The following MECOM variants were observed in gnomAD, a reference collection of about 807,000 sequenced individuals.
MECOM encodes the protein MDS1 and EVI1 complex locus, also known as histone-lysine N-methyltransferase MECOM.
In MECOM, 13 loss-of-function variants were observed where a neutral mutation model predicts 116.3. The observed-to-expected ratio is 0.11, with a 90% confidence interval of 0.07 to 0.18. MECOM has a LOEUF of 0.18. Ranked by LOEUF, MECOM falls within the 10% of genes least tolerant of loss-of-function variation. MECOM has a pLI of 1.00. For missense variants in MECOM, 1,299 were observed against 1,509.0 expected (o/e 0.86, Z 2.31); for synonymous variants, 528 against 535.2 (o/e 0.99, Z 0.19).
At chr3:169,593,768 A>G (rs1766721903) in intron 1 of MECOM, among the ~76,000 whole-genome samples, 1 of 152,168 alleles carries the variant, frequency 6.6e-6, no homozygotes, top group Non-Finnish European at 1.5e-5. Flanking sequence ...AAAGACAGTC[A>G]TTGCTCATAA....
At chr3:169,186,070 C>T (rs1746665070) in intron 2 of MECOM, among the ~76,000 whole-genome samples, 1 of 152,092 alleles carries the variant, frequency 6.6e-6, no homozygotes, top group African/African-American at 2.4e-5. Context: ...GTGTATCTCA[C>T]CCAACCATTG....
chr3:169,341,694 C>CG (rs1409924538), intron 2 of MECOM, among the ~76,000 whole-genome samples: 1 of 144,616 alleles, frequency 6.9e-6, no homozygotes, highest in Non-Finnish European at 1.5e-5. Context: ...GAGCCAGTAT[C>CG]GCACCACTGC....
chr3:169,482,186 TCA>T (rs1158955233), intron 1 of MECOM, among the ~76,000 whole-genome samples: 9 of 152,188 alleles, frequency 5.9e-5, no homozygotes, highest in South Asian at 2.1e-4. Flanking sequence ...GGTCTAAATC[TCA>T]CAGTCTGTAC....
At chr3:169,600,215 G>A (rs1344064680) in intron 1 of MECOM, among the ~76,000 whole-genome samples, 2 of 151,976 alleles carry the variant, frequency 1.3e-5, no homozygotes, top group East Asian at 1.9e-4. Flanking sequence ...CATGTGATCT[G>A]CCCACCTCAG....
intron 2 of MECOM, among the ~76,000 whole-genome samples, chr3:169,219,333 C>T (rs1377529405): frequency 6.6e-6 from 1 of 152,062 alleles, no homozygotes; most frequent in Non-Finnish European, 1.5e-5. Context: ...GGTGAAACCG[C>T]GTATCCACTA....
intron 1 of MECOM, among the ~76,000 whole-genome samples, chr3:169,431,318 A>G (rs1741586414): frequency 6.6e-6 from 1 of 152,180 alleles, no homozygotes; most frequent in Non-Finnish European, 1.5e-5. Flanking sequence ...GCTTGTGGCG[A>G]GAGGCTGGGA....
At chr3:169,647,199 G>T (rs1418251873) in intron 1 of MECOM, among the ~76,000 whole-genome samples, 1 of 152,174 alleles carries the variant, frequency 6.6e-6, no homozygotes, top group Non-Finnish European at 1.5e-5. Flanking sequence ...GCAGATCAAG[G>T]TTTGGATCCT....
intron 1 of MECOM, among the ~76,000 whole-genome samples, chr3:169,651,860 G>GA (rs1158869650): frequency 2.0e-5 from 3 of 152,190 alleles, no homozygotes; most frequent in Admixed American, 6.5e-5. Context: ...ATGCATGGGG[G>GA]AAAAAATCTG....
At chr3:169,569,172 A>C (rs1177333573) in intron 1 of MECOM, among the ~76,000 whole-genome samples, 2 of 152,164 alleles carry the variant, frequency 1.3e-5, no homozygotes, top group African/African-American at 4.8e-5. Context: ...GGAAAGAAAA[A>C]AAAAAAGCAA....
chr3:169,612,645 T>C (rs1769431535), intron 1 of MECOM, among the ~76,000 whole-genome samples: 1 of 152,170 alleles, frequency 6.6e-6, no homozygotes, highest in African/African-American at 2.4e-5. Flanking sequence ...TATTTTCTTT[T>C]GAACCAGGAA....
chr3:169,528,907 T>C (rs1274339865), intron 1 of MECOM, among the ~76,000 whole-genome samples: 2 of 152,340 alleles, frequency 1.3e-5, no homozygotes, highest in Middle Eastern at 3.4e-3. Flanking sequence ...ACATTCGTTG[T>C]TGGAACTTGA....
At chr3:169,654,813 AACACAC>A (rs10622808) in intron 1 of MECOM, among the ~76,000 whole-genome samples, 9 of 147,984 alleles carry the variant, frequency 6.1e-5, no homozygotes, top group South Asian at 2.1e-4. Flanking sequence ...CACCTATCAA[AACACAC>A]ACACACACAC....
chr3:169,124,412 C>T (rs1321877389), intron 5 of MECOM, among the ~76,000 whole-genome samples: 1 of 151,804 alleles, frequency 6.6e-6, no homozygotes, highest in East Asian at 1.9e-4. Flanking sequence ...AAGAGACTGC[C>T]CTCTGGGGGA....
chr3:169,352,464 T>C (rs928902326), intron 2 of MECOM, among the ~76,000 whole-genome samples: 3 of 151,900 alleles, frequency 2.0e-5, no homozygotes, highest in African/African-American at 7.2e-5. Context: ...AGTTTAACTG[T>C]GGAGTTGTCT....
intron 1 of MECOM, among the ~76,000 whole-genome samples, chr3:169,422,232 G>A (rs1264221710): frequency 6.6e-6 from 1 of 152,072 alleles, no homozygotes; most frequent in Non-Finnish European, 1.5e-5. Context: ...AAGTTGCTGT[G>A]TGTGTAATGT....
At chr3:169,504,954 T>C (rs1755017116) in intron 1 of MECOM, among the ~76,000 whole-genome samples, 1 of 152,154 alleles carries the variant, frequency 6.6e-6, no homozygotes. Flanking sequence ...TGCAGCTAAT[T>C]ACTGGCCCAA....
chr3:169,537,284 T>C (rs1759494085), intron 1 of MECOM, among the ~76,000 whole-genome samples: 1 of 152,206 alleles, frequency 6.6e-6, no homozygotes, highest in South Asian at 2.1e-4. Flanking sequence ...TGGGGAACCC[T>C]GCCTGTATCT....
intron 2 of MECOM, among the ~76,000 whole-genome samples, chr3:169,350,130 T>A (rs1560163178): frequency 6.6e-6 from 1 of 152,006 alleles, no homozygotes; most frequent in Non-Finnish European, 1.5e-5. Context: ...AATTCCCTAT[T>A]TTGTTTATTT....
chr3:169,329,084 A>G (rs2149769310), intron 2 of MECOM, among the ~76,000 whole-genome samples: 1 of 152,352 alleles, frequency 6.6e-6, no homozygotes. Context: ...GTTATTTAAC[A>G]TCAATATAGA....
Sources: gnomAD v4.1 joint callset for allele counts (sites outside exome capture counted in the v4.1 genomes callset) on GRCh38, gnomAD v4.1.1 for gene constraint, MANE v1.5 for transcripts, NCBI Gene and HGNC (gene_info 2026-07-23, HGNC 2026-07-21) for gene names.